CASZ1: variants seen among roughly 807,000 people sequenced by gnomAD.
The protein encoded by CASZ1 is castor zinc finger 1, also known as zinc finger protein castor homolog 1.
In CASZ1, 28 loss-of-function variants were observed where a neutral mutation model predicts 135.2. That is an observed-to-expected ratio of 0.21 (90% CI 0.15 to 0.28). CASZ1 has a LOEUF of 0.28. Among genes scored for constraint, CASZ1 ranks in the 10% least tolerant of loss-of-function variants. CASZ1 has a pLI of 1.00. For missense variants in CASZ1, 2,161 were observed against 2,453.3 expected, an observed-to-expected ratio of 0.88 and a Z score of 2.52; for synonymous variants, 1,068 against 1,073.4, an observed-to-expected ratio of 0.99 and a Z score of 0.10.
At chr1:10,648,881 C>A (rs1032556033) in intron 15 of CASZ1, 189 bp downstream of exon 15, 9 of 731,336 alleles carry the variant, frequency 1.2e-5, no homozygotes, top group African/African-American at 1.8e-5. Context: ...GGGCTCAGAG[C>A]CCCCGGCTGA....
chr1:10,656,708 T>C lies in CASZ1; in HGVS notation c.1438A>G (p.Ile480Val). The change falls in exon 8 of 21, where the codon ATC (isoleucine) becomes GTC (valine). Residue 480 changes from isoleucine (I) to valine (V), a missense_variant. Around this residue, in one of 7 missense-constraint regions of CASZ1, gnomAD observed 248 missense variants for 410.8 expected, o/e 0.60. Coordinates refer to ENST00000377022, the MANE Select transcript of CASZ1 (RefSeq NM_001079843.3). ...TCGCGGTACTGGTAGGCACAGTGGA[T>C]GTGGCCACAGTGCTGGCTGCCCGAG... ...RFSGSQHCGH[I>V]HCAYQYREHY... 6.2e-7 allele frequency: 1 copy of C among 1,601,682 alleles called. No individual in the cohort carries two copies.
At chr1:10,689,588 CT>C (rs1638703240) in intron 4 of CASZ1, among the ~76,000 whole-genome samples, 1 of 152,202 alleles carries the variant, frequency 6.6e-6, no homozygotes, top group Non-Finnish European at 1.5e-5. Flanking sequence ...CCTTCTGCCT[CT>C]GCCTCTTGTT....
intron 2 of CASZ1, among the ~76,000 whole-genome samples, chr1:10,751,756 A>T (rs1372858897): frequency 6.6e-6 from 1 of 152,112 alleles, no homozygotes; most frequent in African/African-American, 2.4e-5. Flanking sequence ...CTGTGCCGGG[A>T]AAGGCTGGGA....
chr1:10,790,664 A>T (rs569299823), intron 1 of CASZ1, among the ~76,000 whole-genome samples: 1 of 152,288 alleles, frequency 6.6e-6, no homozygotes, highest in East Asian at 1.9e-4. Context: ...AGCCTTTTTG[A>T]ACTTCGTTCA....
chr1:10,712,955 G>A (rs1639314247), intron 2 of CASZ1, among the ~76,000 whole-genome samples: 1 of 152,232 alleles, frequency 6.6e-6, no homozygotes, highest in Admixed American at 6.5e-5. Context: ...CCAAGGTCGA[G>A]GAGCCCCACC....
rs1639880334 is a variant in CASZ1 at position 10,739,908 on chromosome 1, G to A, written c.-77+20793C>T. 1.3e-5 allele frequency among the ~76,000 whole-genome samples: 2 copies of A among 152,196 alleles called. No homozygotes were observed. The highest frequency in any genetic ancestry group is 2.9e-5 in the Non-Finnish European group (2 of 68,044). On this transcript the variant is annotated intron_variant, in intron 2 of 20. Coordinates refer to ENST00000377022, the MANE Select transcript of CASZ1 (RefSeq NM_001079843.3). This position sits in a 1 kb window ranked among gnomAD's most constrained non-coding sequence, Gnocchi z 4.8. ...CCAGACGAGTCCCTCCTGAAAGGGC[G>A]AAACTCAGTCGTTCAGGGAGAAAGG...
At chr1:10,693,726 C>T (rs1019947847) in intron 4 of CASZ1, 148 bp downstream of exon 4, 6 of 774,118 alleles carry the variant, frequency 7.8e-6, no homozygotes, top group Non-Finnish European at 1.4e-5. Flanking sequence ...TCGCCGATCC[C>T]GAGGCCGGGA....
chr1:10,763,178 C>T (rs1011695868), intron 1 of CASZ1, among the ~76,000 whole-genome samples: 1 of 152,222 alleles, frequency 6.6e-6, no homozygotes, highest in South Asian at 2.1e-4. Context: ...CAGCCCAGGC[C>T]CCGGGGGCCA....
Position 10,757,850 on chromosome 1 carries a change from C to A in CASZ1, c.-77+2851G>T, listed in dbSNP as rs371134132. On this transcript the variant is annotated intron_variant, in intron 2 of 20. Transcript: ENST00000377022. This position sits in a 1 kb window ranked among gnomAD's most constrained non-coding sequence, Gnocchi z 4.6. ...TTACCTCTGGCTCAAAACCCTCCAG[C>A]GGCTTCCTATCACCTAAGCATAAAA... Among the ~76,000 whole-genome samples the A allele has an allele frequency of 3.3e-5, 5 of 152,100 alleles. No homozygotes were observed. Among genetic ancestry groups the A allele is most frequent in the Non-Finnish European group, 5.9e-5 (4 of 68,020 alleles).
In CASZ1 at chr1:10,659,842, G is replaced by A. The variant is rs1334940645; in HGVS notation, c.1200C>T (p.Leu400=). The change falls in exon 6 of 21, where the codon CTC becomes CTT. Residue 400 remains leucine, a synonymous_variant. Coordinates refer to ENST00000377022, the MANE Select transcript of CASZ1 (RefSeq NM_001079843.3). The part of the protein sequence containing the change: ...PPTPSLAPAP[L]ASVPSAPSAP... ...CGCTGGGGGCACTGGGCACGCTGGC[G>A]AGGGGTGCGGGAGCCAGGCTGGGGG... is the stretch of plus-strand genomic sequence containing the variant. The A allele has an allele frequency of 7.4e-6, 12 of 1,612,470 alleles. No homozygotes were observed. The highest frequency in any genetic ancestry group is 1.0e-5 in the Non-Finnish European group (12 of 1,179,390).
chr1:10,653,778 G>A lies in CASZ1; in HGVS notation c.2279C>T (p.Ala760Val), dbSNP rs763108308. The A allele has an allele frequency of 7.4e-6, 12 of 1,611,010 alleles. No individual in the cohort carries two copies. The highest frequency in any genetic ancestry group is 1.0e-5 in the Non-Finnish European group (12 of 1,178,526). The change falls in exon 11 of 21, where the codon GCT (alanine) becomes GTT (valine). Residue 760 changes from alanine (A) to valine (V), a missense_variant. Around this residue, in one of 7 missense-constraint regions of CASZ1, gnomAD observed 406 missense variants for 387.6 expected, o/e 1.05. Coordinates refer to ENST00000377022, the MANE Select transcript of CASZ1 (RefSeq NM_001079843.3). ...SLAAATAATE[A>V]GPSATKPPNS... ...GGGAGGTTTGGTGGCACTGGGCCCA[G>A]CCTCGGTGGCGGCAGTGGCGGCAGC...
chr1:10,685,801 C>T (rs1372229293), intron 4 of CASZ1, among the ~76,000 whole-genome samples: 1 of 152,224 alleles, frequency 6.6e-6, no homozygotes, highest in Non-Finnish European at 1.5e-5. Context: ...TCTTCAAAAA[C>T]CTCGAGGGCA....
intron 3 of CASZ1, among the ~76,000 whole-genome samples, chr1:10,702,614 A>G (rs1639084643): frequency 6.6e-6 from 1 of 151,946 alleles, no homozygotes; most frequent in South Asian, 2.1e-4. Flanking sequence ...TTGGAGAGGG[A>G]GACGCGGGGC....
rs895541677 is a variant in CASZ1, at chr1:10,701,284, C to A, written c.-24+4208G>T. The stretch of plus-strand genomic sequence containing the variant: ...CCACCGTGGCAGCCGGGTTCCCGTG[C>A]GCACTCTCCCTGTCTCGCAGACACT... On this transcript the variant is annotated intron_variant, in intron 3 of 20. Coordinates refer to ENST00000377022, the MANE Select transcript of CASZ1 (RefSeq NM_001079843.3). This position sits in a 1 kb window ranked among gnomAD's most constrained non-coding sequence, Gnocchi z 6.3. Among the ~76,000 whole-genome samples the A allele has an allele frequency of 1.3e-5, 2 of 152,140 alleles. No homozygotes were observed. Among genetic ancestry groups the A allele is most frequent in the Non-Finnish European group, 2.9e-5 (2 of 68,010 alleles).
chr1:10,639,119 G>GTCC lies in CASZ1; in HGVS notation c.5102_5103insGGA (p.Asp1700_Asp1701insGlu), dbSNP rs758372165. 8 of 1,153,210 alleles carry GTCC rather than the reference G, an allele frequency of 6.9e-6. No homozygotes were observed. Among genetic ancestry groups the GTCC allele is most frequent in the Non-Finnish European group, 8.7e-6 (8 of 914,920 alleles). The allele number at this position is 1,153,210 out of a possible 1,614,324, so 71.4% of individuals were successfully genotyped here. A position where few individuals can be genotyped will look rare whatever the true frequency, so the allele number is the denominator to read the frequency against. ...CGTCCTCGTCGTCGTCCTCGTCGTC[G>GTCC]TCGTCCTCGTCGTCGTCCTCGTCCT... On this transcript the variant is annotated inframe_insertion, in exon 21 of 21. Transcript: ENST00000377022. This position sits in a 1 kb window ranked among gnomAD's most constrained non-coding sequence, Gnocchi z 4.0.
At position 10,709,721 on chromosome 1, in the gene CASZ1, G is replaced by A. The variant is rs572401803; in HGVS notation, c.-76-4177C>T. ...GGGGAGAGAAAGGCCCCAGGCAGGG[G>A]CTGAGCAGTGCCCCGGGCAGTGCCG... is the stretch of plus-strand genomic sequence containing the variant. On this transcript the variant is annotated intron_variant, in intron 2 of 20. Transcript: ENST00000377022. The surrounding 1 kb of genome is among the most constrained non-coding windows in gnomAD (Gnocchi z 5.1). 7.1e-3 allele frequency among the ~76,000 whole-genome samples: 1,075 copies of A among 152,320 alleles called. 13 individuals are homozygous for A. The highest frequency in any genetic ancestry group is 0.025 in the African/African-American group (1,019 of 41,568).
chr1:10,659,973 G>T lies in CASZ1; in HGVS notation c.1069C>A (p.Pro357Thr), dbSNP rs374997815. Residue 357 changes from proline to threonine, a missense_variant, in exon 6 of 21, where the codon CCC becomes ACC. Physicochemically the swap from Pro to Thr is conservative, Grantham distance 38. Around this residue, in one of 7 missense-constraint regions of CASZ1, gnomAD observed 590 missense variants for 609.8 expected, o/e 0.97. Transcript: ENST00000377022. ...LHLFKPGEGS[P>T]DMGGAIAFKT... is the part of the protein sequence containing the mutation. ...AAGGCGATGGCCCCGCCCATGTCGGGGCTGCCCTCCCCGGGTTTGAAGAGG... is the reference window on the plus strand; with the variant it reads ...AAGGCGATGGCCCCGCCCATGTCGGTGCTGCCCTCCCCGGGTTTGAAGAGG... 6.2e-7 allele frequency: 1 copy of T among 1,613,496 alleles called. No individual in the cohort carries two copies. The highest frequency in any genetic ancestry group is 1.7e-5 in the Admixed American group (1 of 60,028).
At chr1:10,708,867 T>G in intron 2 of CASZ1, among the ~76,000 whole-genome samples, 1 of 134,338 alleles carries the variant, frequency 7.4e-6, no homozygotes, top group Non-Finnish European at 1.6e-5. Flanking sequence ...CGGCTCGGAG[T>G]GGGGCCTGGT....
intron 5 of CASZ1, among the ~76,000 whole-genome samples, chr1:10,662,898 A>T (rs1643096432): frequency 6.6e-6 from 1 of 152,132 alleles, no homozygotes; most frequent in South Asian, 2.1e-4. Flanking sequence ...TCCCAGGCTA[A>T]TTCTGAGCTG....
Sources: gnomAD v4.1 joint callset for allele counts (sites outside exome capture counted in the v4.1 genomes callset) on GRCh38, gnomAD v4.1.1 for gene constraint, gnomAD v4.1.1 regional missense constraint, Gnocchi (gnomAD v3.1) non-coding constraint, MANE v1.5 for transcripts, NCBI Gene and HGNC (gene_info 2026-07-23, HGNC 2026-07-21) for gene names.